Variants in LRP1B observed in about 807,000 individuals in gnomAD.
LRP1B encodes LDL receptor related protein 1B, also known as low-density lipoprotein receptor-related protein 1B.
In LRP1B, 217 loss-of-function variants were observed where a neutral mutation model predicts 556.6. The ratio of observed to expected loss-of-function variants is 0.39; its 90% confidence interval spans 0.35 to 0.44. The LOEUF (loss-of-function observed/expected upper bound fraction) is 0.44. Ranked by LOEUF, LRP1B falls within the 20% of genes least tolerant of loss-of-function variation. The pLI is 1.00. For synonymous variants in LRP1B, 2,047 were observed against 1,865.8 expected, an observed-to-expected ratio of 1.10 and a Z score of -2.50; for missense variants, 5,053 against 5,620.8, an observed-to-expected ratio of 0.90 and a Z score of 3.23.
rs542350537 is a variant in LRP1B at position 141,804,634 on chromosome 2, C to T, written c.205+5645G>A. 4.6e-5 allele frequency among the ~76,000 whole-genome samples: 7 copies of T among 151,976 alleles called. No individual in the cohort carries two copies. The South Asian group carries it at 8.3e-4, about 18-fold the overall frequency. On this transcript the variant is annotated intron_variant, in intron 2 of 90. Coordinates refer to ENST00000389484, the MANE Select transcript of LRP1B (RefSeq NM_018557.3). ...TGAGAAAGAATGAGAGAGGATCGAC[C>T]GAGAGGGGGCAGTTAGATTGTGTAT...
intron 87 of LRP1B, among the ~76,000 whole-genome samples, chr2:140,242,507 C>T (rs925835829): frequency 2.0e-5 from 3 of 151,160 alleles, no homozygotes; most frequent in Non-Finnish European, 3.0e-5. Context: ...TGAAAATATA[C>T]TCTATTTTGC....
chr2:140,631,747 C>CTGAT (rs35289162), intron 41 of LRP1B, among the ~76,000 whole-genome samples: 24,140 of 151,944 alleles, frequency 0.16, 2,288 homozygotes, highest in African/African-American at 0.25. Context: ...GAAATAATGG[C>CTGAT]TATTTTCCAA....
intron 32 of LRP1B, among the ~76,000 whole-genome samples, chr2:140,802,188 C>G (rs186373887): frequency 1.2e-3 from 188 of 152,232 alleles, no homozygotes; most frequent in African/African-American, 4.4e-3. Context: ...TTTCCATTCT[C>G]TTGGGGGAAT....
intron 41 of LRP1B, among the ~76,000 whole-genome samples, chr2:140,660,909 A>G (rs1045280475): frequency 6.7e-6 from 1 of 148,404 alleles, no homozygotes; most frequent in Non-Finnish European, 1.5e-5. Context: ...TATTGCATTT[A>G]GAAAAGACAA....
chr2:141,729,603 G>A (rs550778364), intron 2 of LRP1B, among the ~76,000 whole-genome samples: 1 of 152,278 alleles, frequency 6.6e-6, no homozygotes, highest in South Asian at 2.1e-4. Context: ...GACGGTTTAA[G>A]GAAGAGAAAT....
intron 3 of LRP1B, among the ~76,000 whole-genome samples, chr2:141,377,020 ATACTAAGTTGTGAACT>A (rs1689463183): frequency 6.6e-6 from 1 of 152,154 alleles, no homozygotes; most frequent in Non-Finnish European, 1.5e-5. Context: ...TCCTGGGCTC[ATACTAAGTTGTGAACT>A]CTCAAAAAAA....
chr2:141,888,753 C>G (rs1699198231), intron 1 of LRP1B, among the ~76,000 whole-genome samples: 1 of 152,066 alleles, frequency 6.6e-6, no homozygotes, highest in Admixed American at 6.6e-5. Flanking sequence ...GACGGAATGA[C>G]AGTGCTCGGG....
At chr2:141,305,475 A>T (rs1686551258) in intron 3 of LRP1B, among the ~76,000 whole-genome samples, 2 of 152,166 alleles carry the variant, frequency 1.3e-5, no homozygotes, top group African/African-American at 4.8e-5. Flanking sequence ...TTTGTCAGTT[A>T]TAAGATAGTT....
At chr2:140,892,462 AAAAC>A (rs1181960294) in intron 23 of LRP1B, among the ~76,000 whole-genome samples, 4 of 152,316 alleles carry the variant, frequency 2.6e-5, no homozygotes, top group African/African-American at 7.2e-5. Context: ...CATGAGAAAT[AAAAC>A]AAACGCAAAC....
At chr2:141,952,748 A>T (rs1169020945) in intron 1 of LRP1B, among the ~76,000 whole-genome samples, 1 of 152,156 alleles carries the variant, frequency 6.6e-6, no homozygotes, top group Non-Finnish European at 1.5e-5. Flanking sequence ...CTATACATGG[A>T]TATGTAGCAA....
chr2:142,109,548 T>C (rs1360351885), intron 1 of LRP1B, among the ~76,000 whole-genome samples: 1 of 152,224 alleles, frequency 6.6e-6, no homozygotes, highest in Non-Finnish European at 1.5e-5. Context: ...TCTGTGTTGT[T>C]ACTGTAAGCA....
intron 1 of LRP1B, among the ~76,000 whole-genome samples, chr2:141,860,061 T>C (rs961463678): frequency 6.6e-6 from 1 of 152,186 alleles, no homozygotes; most frequent in Non-Finnish European, 1.5e-5. Context: ...AAACTAGCAC[T>C]CTTTCTCGGC....
chr2:141,373,301 G>A (rs528386001), intron 3 of LRP1B, among the ~76,000 whole-genome samples: 21 of 152,038 alleles, frequency 1.4e-4, no homozygotes, highest in East Asian at 3.9e-4. Context: ...ACGTGCTAAC[G>A]AAAACGATGA....
At chr2:141,224,637 C>T (rs1442946115) in intron 6 of LRP1B, among the ~76,000 whole-genome samples, 1 of 152,030 alleles carries the variant, frequency 6.6e-6, no homozygotes, top group East Asian at 1.9e-4. Context: ...TACTATGCGG[C>T]CATAAAAAAG....
chr2:140,401,292 A>G (rs546975000), intron 66 of LRP1B, among the ~76,000 whole-genome samples: 1 of 152,300 alleles, frequency 6.6e-6, no homozygotes, highest in South Asian at 2.1e-4. Flanking sequence ...TTCTCAGTGC[A>G]GGATACCTGA....
chr2:140,812,444 C>T (rs1276226451), intron 32 of LRP1B, among the ~76,000 whole-genome samples: 1 of 151,994 alleles, frequency 6.6e-6, no homozygotes, highest in Non-Finnish European at 1.5e-5. Flanking sequence ...AAACCTTGTT[C>T]ACCTTCATCT....
intron 2 of LRP1B, among the ~76,000 whole-genome samples, chr2:141,583,226 T>G (rs139874047): frequency 1.0e-3 from 153 of 152,198 alleles, no homozygotes; most frequent in Middle Eastern, 3.4e-3. Context: ...ACTGAAAAAT[T>G]GTATGGAAAT....
intron 47 of LRP1B, among the ~76,000 whole-genome samples, chr2:140,529,990 A>G (rs1690617441): frequency 6.6e-6 from 1 of 152,054 alleles, no homozygotes; most frequent in African/African-American, 2.4e-5. Flanking sequence ...TTCCCCAAAA[A>G]GAGAAGAAAC....
intron 1 of LRP1B, among the ~76,000 whole-genome samples, chr2:141,904,278 T>G (rs887740859): frequency 6.6e-6 from 1 of 151,860 alleles, no homozygotes; most frequent in Non-Finnish European, 1.5e-5. Context: ...TAGCTTTCAA[T>G]TTTAGCTTTG....
Sources: gnomAD v4.1 joint callset for allele counts (sites outside exome capture counted in the v4.1 genomes callset) on GRCh38, gnomAD v4.1.1 for gene constraint, MANE v1.5 for transcripts, NCBI Gene and HGNC (gene_info 2026-07-23, HGNC 2026-07-21) for gene names.